FAM133A: variants seen among roughly 807,000 people sequenced by gnomAD.
FAM133A encodes protein FAM133A.
For synonymous variants in FAM133A, 65 were observed against 58.6 expected (o/e 1.11, Z -0.50); for missense variants, 159 against 164.4 (o/e 0.97, Z 0.18).
chrX:93,687,099 A>C (rs191875839), intron 2 of FAM133A, among the ~76,000 whole-genome samples: 1 of 112,410 alleles, frequency 8.9e-6, no homozygotes, highest in Admixed American at 9.4e-5. Context: ...AAAATATGGA[A>C]CCAACCTAAA....
At chrX:93,698,552 G>A (rs1926469985) in intron 3 of FAM133A, 67 bp downstream of exon 3, 1 of 111,759 alleles carries the variant, frequency 8.9e-6, no homozygotes, top group Admixed American at 9.5e-5. Flanking sequence ...AGGTTAAAAT[G>A]AAGAATAATC....
chrX:93,681,066 T>G (rs1325017863), intron 2 of FAM133A, among the ~76,000 whole-genome samples: 2 of 111,245 alleles, frequency 1.8e-5, no homozygotes, highest in Non-Finnish European at 3.8e-5. Context: ...TAATCAGGAA[T>G]TTTTTGCCTG....
intron 2 of FAM133A, among the ~76,000 whole-genome samples, chrX:93,696,993 A>G (rs1283241497): frequency 4.5e-5 from 5 of 110,097 alleles, no homozygotes; most frequent in African/African-American, 1.3e-4. Context: ...GTTTGAATTA[A>G]TCAGACTTCA....
intron 3 of FAM133A, among the ~76,000 whole-genome samples, chrX:93,702,860 AAAAAAAAAAAC>A (rs1926805428): frequency 1.3e-5 from 1 of 76,961 alleles, no homozygotes; most frequent in Non-Finnish European, 2.7e-5. Flanking sequence ...AAAAAAAAAA[AAAAAAAAAAAC>A]AACACTAGAC....
At chrX:93,680,457 C>T (rs1168908006) in intron 2 of FAM133A, among the ~76,000 whole-genome samples, 1 of 111,206 alleles carries the variant, frequency 9.0e-6, no homozygotes, top group African/African-American at 3.3e-5. Flanking sequence ...TGGATATATC[C>T]TCAGTACTGG....
chrX:93,681,078 A>T (rs181507290), intron 2 of FAM133A, among the ~76,000 whole-genome samples: 7 of 111,382 alleles, frequency 6.3e-5, no homozygotes, highest in African/African-American at 2.3e-4. Context: ...TTTTGCCTGT[A>T]GTACTCATCT....
chrX:93,696,292 C>A (rs1422560685), intron 2 of FAM133A, among the ~76,000 whole-genome samples: 1 of 111,440 alleles, frequency 9.0e-6, no homozygotes, highest in Admixed American at 9.5e-5. Flanking sequence ...AAATAAAATC[C>A]TCTGAGGGGG....
chrX:93,699,749 A>G (rs1388339451), intron 3 of FAM133A, among the ~76,000 whole-genome samples: 1 of 105,126 alleles, frequency 9.5e-6, no homozygotes, highest in Non-Finnish European at 2.1e-5. Context: ...GACGCTTCAT[A>G]TGCACATACT....
intron 2 of FAM133A, among the ~76,000 whole-genome samples, chrX:93,676,686 C>T (rs1924727097): frequency 9.3e-6 from 1 of 106,972 alleles, no homozygotes; most frequent in South Asian, 4.1e-4. Context: ...TACTACTTAA[C>T]CACTCACACT....
At chrX:93,707,443 T>G (rs1927112562) in intron 3 of FAM133A, among the ~76,000 whole-genome samples, 1 of 111,293 alleles carries the variant, frequency 9.0e-6, no homozygotes, top group Admixed American at 9.5e-5. Context: ...AAAAATCTAT[T>G]ATATGTCTGA....
chrX:93,684,669 G>A (rs1298741768), intron 2 of FAM133A, among the ~76,000 whole-genome samples: 2 of 111,555 alleles, frequency 1.8e-5, no homozygotes, highest in Non-Finnish European at 1.9e-5. Context: ...TATATACACC[G>A]AACCAGTGAA....
intron 2 of FAM133A, among the ~76,000 whole-genome samples, chrX:93,686,130 A>G (rs1189301028): frequency 1.8e-5 from 2 of 109,307 alleles, no homozygotes; most frequent in African/African-American, 6.6e-5. Context: ...AAAAAAAAAA[A>G]AAATTAACCC....
intron 3 of FAM133A, among the ~76,000 whole-genome samples, chrX:93,698,947 T>C (rs12008360): frequency 0.071 from 7,845 of 110,787 alleles, 642 homozygotes; most frequent in African/African-American, 0.23. Flanking sequence ...AATTAGAGTA[T>C]GATTACCACA....
intron 2 of FAM133A, among the ~76,000 whole-genome samples, chrX:93,691,848 T>C (rs749423114): frequency 9.0e-6 from 1 of 111,658 alleles, no homozygotes; most frequent in East Asian, 2.8e-4. Flanking sequence ...TGTTTTGTTT[T>C]TCGGTGTATG....
intron 2 of FAM133A, among the ~76,000 whole-genome samples, chrX:93,687,444 A>G (rs1001885454): frequency 9.0e-6 from 1 of 111,452 alleles, no homozygotes; most frequent in Non-Finnish European, 1.9e-5. Context: ...TAAAAAATTT[A>G]TCCATGTAAC....
chrX:93,686,089 CAG>C (rs1342288916), intron 2 of FAM133A, among the ~76,000 whole-genome samples: 1 of 72,660 alleles, frequency 1.4e-5, no homozygotes, highest in Non-Finnish European at 2.3e-5. Flanking sequence ...GCCAGGGTGA[CAG>C]AGTGAGACTC....
intron 3 of FAM133A, among the ~76,000 whole-genome samples, chrX:93,704,405 C>T (rs1428384735): frequency 1.8e-5 from 2 of 111,323 alleles, no homozygotes; most frequent in African/African-American, 3.3e-5. Context: ...CTAGTGTGAA[C>T]AAAGAACATT....
chrX:93,689,704 A>G (rs1925768439), intron 2 of FAM133A, among the ~76,000 whole-genome samples: 1 of 111,019 alleles, frequency 9.0e-6, no homozygotes, highest in South Asian at 3.8e-4. Flanking sequence ...AGACACTACA[A>G]GTTTTCAAGG....
chrX:93,705,507 A>C (rs1171879880), intron 3 of FAM133A, among the ~76,000 whole-genome samples: 2 of 111,510 alleles, frequency 1.8e-5, no homozygotes, highest in Non-Finnish European at 3.8e-5. Context: ...TGGTGACAAC[A>C]CCCTCTCCCA....
Sources: allele counts gnomAD v4.1 joint callset (sites outside exome capture counted in the v4.1 genomes callset), GRCh38; gene constraint gnomAD v4.1.1; transcripts MANE v1.5; gene names NCBI Gene and HGNC (gene_info 2026-07-23, HGNC 2026-07-21).